PPARGC1A: variants seen among roughly 807,000 people sequenced by gnomAD.
PPARGC1A encodes PPARG coactivator 1 alpha.
In PPARGC1A, 25 loss-of-function variants were observed where a neutral mutation model predicts 88.7. The observed-to-expected ratio is 0.28, with a 90% CI of 0.21 to 0.39. The LOEUF (loss-of-function observed/expected upper bound fraction) is 0.39. Among genes scored for constraint, PPARGC1A ranks in the 10% least tolerant of loss-of-function variants. The pLI is 1.00. For synonymous variants in PPARGC1A, 363 were observed against 355.6 expected, an observed-to-expected ratio of 1.02 and a Z score of -0.24; for missense variants, 880 against 968.7, an observed-to-expected ratio of 0.91 and a Z score of 1.22.
the PPARGC1A span, among the ~76,000 whole-genome samples, chr4:23,940,687 T>C: frequency 6.6e-6 from 1 of 152,198 alleles, no homozygotes; most frequent in Non-Finnish European, 1.5e-5. Context: ...AAAATTCAAT[T>C]ACTCCATGAA....
At chr4:24,101,360 G>A in the PPARGC1A span, among the ~76,000 whole-genome samples, 1 of 152,180 alleles carries the variant, frequency 6.6e-6, no homozygotes, top group Non-Finnish European at 1.5e-5. Context: ...CTGCAGAACT[G>A]TGAGCCAATT....
At chr4:24,200,163 T>C in the PPARGC1A span, among the ~76,000 whole-genome samples, 1 of 152,142 alleles carries the variant, frequency 6.6e-6, no homozygotes, top group African/African-American at 2.4e-5. Flanking sequence ...GGGATGTATA[T>C]ACAGCATGAT....
the PPARGC1A span, among the ~76,000 whole-genome samples, chr4:24,095,477 G>T: frequency 1.3e-5 from 2 of 152,086 alleles, no homozygotes; most frequent in Non-Finnish European, 2.9e-5. Flanking sequence ...ATTAGGGTGG[G>T]CTTTAATCCA....
the PPARGC1A span, among the ~76,000 whole-genome samples, chr4:24,033,429 A>ACACG: frequency 6.6e-6 from 1 of 151,848 alleles, no homozygotes; most frequent in African/African-American, 2.4e-5. Context: ...ACACACACAC[A>ACACG]CACGCATCCA....
At chr4:24,011,547 G>C in the PPARGC1A span, among the ~76,000 whole-genome samples, 1 of 152,134 alleles carries the variant, frequency 6.6e-6, no homozygotes, top group African/African-American at 2.4e-5. Context: ...GAGTCACTGG[G>C]GACCATCTAA....
chr4:23,917,965 T>C, the PPARGC1A span, among the ~76,000 whole-genome samples: 7 of 152,176 alleles, frequency 4.6e-5, no homozygotes, highest in Non-Finnish European at 1.0e-4. Flanking sequence ...GCCCTGCTGA[T>C]ACCAATTTTA....
At chr4:24,100,601 G>A in the PPARGC1A span, among the ~76,000 whole-genome samples, 4 of 152,064 alleles carry the variant, frequency 2.6e-5, no homozygotes, top group Admixed American at 6.6e-5. Flanking sequence ...AATATTGAGT[G>A]CCACAAAATG....
intron 12 of PPARGC1A, among the ~76,000 whole-genome samples, chr4:23,798,963 AT>A (rs1718144588): frequency 6.6e-6 from 1 of 152,190 alleles, no homozygotes; most frequent in African/African-American, 2.4e-5. Context: ...TAGTAGAGAA[AT>A]AGGATGTATA....
chr4:24,409,749 G>T, the PPARGC1A span, among the ~76,000 whole-genome samples: 1 of 152,078 alleles, frequency 6.6e-6, no homozygotes. Context: ...GGGGTGTGGG[G>T]CATCTTGAGA....
At chr4:23,836,566 G>A (rs933957430) in intron 2 of PPARGC1A, among the ~76,000 whole-genome samples, 4 of 152,178 alleles carry the variant, frequency 2.6e-5, no homozygotes, top group African/African-American at 7.2e-5. Flanking sequence ...TTACCGTGTC[G>A]TTAATAAATG....
At chr4:23,911,398 T>C in the PPARGC1A span, among the ~76,000 whole-genome samples, 1 of 152,188 alleles carries the variant, frequency 6.6e-6, no homozygotes, top group Admixed American at 6.5e-5. Context: ...GGGGCAGCGA[T>C]GCGAACACAA....
At chr4:23,880,973 A>G (rs1715812731) in intron 2 of PPARGC1A, 1 of 152,230 alleles carries the variant, frequency 6.6e-6, no homozygotes, top group African/African-American at 2.4e-5. Flanking sequence ...CAGTTGTATC[A>G]TGGAGGCATT....
At chr4:24,008,603 C>T in the PPARGC1A span, among the ~76,000 whole-genome samples, 1 of 152,074 alleles carries the variant, frequency 6.6e-6, no homozygotes, top group South Asian at 2.1e-4. Flanking sequence ...TAATTCACCC[C>T]ATGATAACGT....
the PPARGC1A span, among the ~76,000 whole-genome samples, chr4:24,147,822 T>C: frequency 3.2e-4 from 48 of 152,296 alleles, 1 homozygote; most frequent in South Asian, 8.1e-3. Context: ...TGTGCACCTG[T>C]AGTCCCAGCT....
chr4:24,060,350 C>T, the PPARGC1A span, among the ~76,000 whole-genome samples: 1 of 152,214 alleles, frequency 6.6e-6, no homozygotes, highest in Non-Finnish European at 1.5e-5. Flanking sequence ...AACAATATTA[C>T]AAGCAGCTTA....
chr4:24,347,369 A>G, the PPARGC1A span, among the ~76,000 whole-genome samples: 1 of 152,138 alleles, frequency 6.6e-6, no homozygotes, highest in African/African-American at 2.4e-5. Context: ...GGAGTATTGA[A>G]GTCCACCACT....
At chr4:24,117,033 AC>A in the PPARGC1A span, among the ~76,000 whole-genome samples, 1 of 150,990 alleles carries the variant, frequency 6.6e-6, no homozygotes, top group Non-Finnish European at 1.5e-5. Context: ...AAAAGCATGC[AC>A]AGTGAAGTTG....
the PPARGC1A span, among the ~76,000 whole-genome samples, chr4:23,992,691 G>A: frequency 3.5e-5 from 5 of 141,444 alleles, no homozygotes; most frequent in East Asian, 2.0e-4. Context: ...TGAAAGGCTC[G>A]ATATAGCCCA....
the PPARGC1A span, among the ~76,000 whole-genome samples, chr4:23,994,755 A>G: frequency 6.6e-6 from 1 of 152,242 alleles, no homozygotes; most frequent in Admixed American, 6.5e-5. Context: ...AAGGGAGGAA[A>G]TTGGTCAGGC....
Sources: allele counts gnomAD v4.1 joint callset (sites outside exome capture counted in the v4.1 genomes callset), GRCh38; gene constraint gnomAD v4.1.1; transcripts MANE v1.5; gene names NCBI Gene and HGNC (gene_info 2026-07-23, HGNC 2026-07-21).